Variants in WDR59 observed in about 807,000 individuals in gnomAD.
The protein encoded by WDR59 is GATOR2 complex protein WDR59.
WDR59 carries 100 observed loss-of-function variants against 131.2 expected under a neutral mutation model. The ratio of observed to expected loss-of-function variants is 0.76; its 90% CI spans 0.65 to 0.90. WDR59 has a LOEUF of 0.90. Among genes scored for constraint, WDR59 ranks in the 40% least tolerant of loss-of-function variants. The pLI, the probability that WDR59 is intolerant of heterozygous loss-of-function variation, is 0.00. For synonymous variants in WDR59, 601 were observed against 466.2 expected (o/e 1.29, Z -3.72); for missense variants, 1,203 against 1,262.2 (o/e 0.95, Z 0.71).
chr16:74,943,454 T>C (rs544651167), intron 6 of WDR59, among the ~76,000 whole-genome samples: 5 of 152,250 alleles, frequency 3.3e-5, no homozygotes, highest in African/African-American at 9.6e-5. Context: ...CCTCAGTCCT[T>C]TTCCCTCTCT....
intron 8 of WDR59, among the ~76,000 whole-genome samples, chr16:74,931,358 G>C (rs1476819120): frequency 6.6e-6 from 1 of 152,018 alleles, no homozygotes; most frequent in African/African-American, 2.4e-5. Flanking sequence ...TTTTTTGAGA[G>C]ATGGTATCCC....
chr16:74,908,982 A>AG lies in WDR59; in HGVS notation c.1643-6dup, dbSNP rs772496318. The AG allele has an allele frequency of 4.3e-6, 7 of 1,613,104 alleles. No homozygotes were observed. In the South Asian group the frequency reaches 7.7e-5, roughly 18 times the overall value. On this transcript the variant is annotated splice_region_variant and splice_polypyrimidine_tract_variant and intron_variant, in intron 16 of 25. Transcript: ENST00000262144. The stretch of plus-strand genomic sequence containing the variant: ...TTGTGAAATATACCAGGTAACCTAA[A>AG]GGAGGAGACATCACATGAGCCATCA...
Position 74,909,610 on chromosome 16 carries a change from A to T in WDR59, c.1533T>A (p.Ser511=). 6.2e-7 allele frequency: 1 copy of T among 1,602,146 alleles called. No individual in the cohort carries two copies. The highest frequency in any genetic ancestry group is 2.2e-5 in the East Asian group (1 of 44,694). ...CAAACGTCGGTAAGGGGGGAGTGACAGAGTTGGGGAGTGCAAACGGGTTGC... is the reference window on the plus strand; with the variant it reads ...CAAACGTCGGTAAGGGGGGAGTGACTGAGTTGGGGAGTGCAAACGGGTTGC... ...ASSNPFALPN[S]VTPPLPTFAR... Residue 511 remains serine (S), a synonymous_variant, in exon 16 of 26, where the codon TCT becomes TCA. Transcript: ENST00000262144.
rs1307058512 is a variant in WDR59 at position 74,916,170 on chromosome 16, T to C, written c.1056A>G (p.Glu352=). Residue 352 remains glutamate, a synonymous_variant, in exon 12 of 26, where the codon GAA becomes GAG. Coordinates refer to ENST00000262144, the MANE Select transcript of WDR59 (RefSeq NM_030581.4). The part of the protein sequence containing the change: ...LPEPEKTLHT[E]DTDHQHTASH... ...TTGCAGTGTGCTGGTGATCTGTATC[T>C]TCAGTGTGCAGGGTCTTCTCAGGTT... 6.2e-7 allele frequency: 1 copy of C among 1,614,196 alleles called. No homozygotes were observed. The highest frequency in any genetic ancestry group is 8.5e-7 in the Non-Finnish European group (1 of 1,180,026).
At chr16:74,982,170 T>C (rs1012483240) in intron 1 of WDR59, among the ~76,000 whole-genome samples, 6 of 151,250 alleles carry the variant, frequency 4.0e-5, no homozygotes, top group Non-Finnish European at 8.8e-5. Flanking sequence ...ATTTAAAAGA[T>C]GTGGAGTGTT....
chr16:74,961,168 G>A (rs78439382), intron 2 of WDR59, among the ~76,000 whole-genome samples: 2,418 of 151,898 alleles, frequency 0.016, 52 homozygotes, highest in African/African-American at 0.056. Flanking sequence ...AGCCAGACAG[G>A]CGTGGTGGTA....
intron 8 of WDR59, among the ~76,000 whole-genome samples, chr16:74,929,159 C>T (rs1416957259): frequency 2.0e-5 from 3 of 152,092 alleles, no homozygotes; most frequent in African/African-American, 7.2e-5. Flanking sequence ...ACGGCAAGCT[C>T]GTCCTCCCGG....
rs1253701527 is a variant in WDR59, at chr16:74,893,781, C to A, written c.1898G>T (p.Gly633Val). 1.9e-6 allele frequency: 3 copies of A among 1,614,088 alleles called. No individual in the cohort carries two copies. Among genetic ancestry groups the A allele is most frequent in the South Asian group, 1.1e-5 (1 of 91,082 alleles). The change falls in exon 19 of 26, where the codon GGA becomes GTA. Residue 633 changes from glycine to valine, a missense_variant. By Grantham distance (109) the Gly-to-Val change is moderately radical. Coordinates refer to ENST00000262144, the MANE Select transcript of WDR59 (RefSeq NM_030581.4). ...GATCTGTCGATTGCCAGAGTCTGAT[C>A]CCTCACGCTTACTTTTCCATCGTCT... ...KSRRWKSKRE[G>V]SDSGNRQIKA...
intron 8 of WDR59, among the ~76,000 whole-genome samples, chr16:74,926,703 T>C (rs2030845467): frequency 6.6e-6 from 1 of 152,236 alleles, no homozygotes; most frequent in African/African-American, 2.4e-5. Flanking sequence ...TGGTTTTACA[T>C]TGTTTTAGAG....
intron 10 of WDR59, among the ~76,000 whole-genome samples, chr16:74,921,487 A>T (rs751100171): frequency 5.3e-5 from 8 of 151,638 alleles, no homozygotes; most frequent in Non-Finnish European, 1.0e-4. Context: ...AAATCACATC[A>T]TCTGTTTTCT....
intron 25 of WDR59, among the ~76,000 whole-genome samples, chr16:74,878,568 C>T (rs1964327710): frequency 6.8e-6 from 1 of 146,698 alleles, no homozygotes. Flanking sequence ...ACTGCTTGAA[C>T]CTGGGAGGTG....
chr16:74,916,664 G>C (rs1239030440), intron 11 of WDR59, among the ~76,000 whole-genome samples: 1 of 152,076 alleles, frequency 6.6e-6, no homozygotes, highest in Non-Finnish European at 1.5e-5. Flanking sequence ...TTTGAGACCA[G>C]CCTGGCCAAG....
At chr16:74,980,541 A>G (rs12922776) in intron 1 of WDR59, among the ~76,000 whole-genome samples, 43,050 of 151,362 alleles carry the variant, frequency 0.28, 6,802 homozygotes, top group East Asian at 0.72. Flanking sequence ...TTTAGTAGAG[A>G]TGGGGTTTCA....
At chr16:74,905,291 C>T (rs1338992235) in intron 17 of WDR59, among the ~76,000 whole-genome samples, 1 of 152,052 alleles carries the variant, frequency 6.6e-6, no homozygotes, top group East Asian at 1.9e-4. Flanking sequence ...AGGAGAATCA[C>T]TTGAACCCGG....
intron 18 of WDR59, among the ~76,000 whole-genome samples, chr16:74,903,182 T>C (rs1965633005): frequency 6.6e-6 from 1 of 152,234 alleles, no homozygotes. Context: ...CAATCCATTA[T>C]TTCCCACTGA....
At chr16:74,980,093 A>G (rs964493646) in intron 1 of WDR59, among the ~76,000 whole-genome samples, 9 of 150,028 alleles carry the variant, frequency 6.0e-5, no homozygotes, top group South Asian at 2.1e-4. Flanking sequence ...CTCCTGACAC[A>G]GGTGATCCAC....
intron 2 of WDR59, among the ~76,000 whole-genome samples, chr16:74,957,251 T>C (rs546987906): frequency 6.6e-6 from 1 of 151,982 alleles, no homozygotes; most frequent in Admixed American, 6.6e-5. Context: ...TAACTAATTT[T>C]TGCATTTTTT....
At chr16:74,944,447 C>T (rs966685096) in intron 6 of WDR59, among the ~76,000 whole-genome samples, 3 of 141,500 alleles carry the variant, frequency 2.1e-5, no homozygotes, top group African/African-American at 5.3e-5. Context: ...GCCTGGGCAA[C>T]AGAGCAAGAC....
chr16:74,980,406 G>A (rs992711211), intron 1 of WDR59, among the ~76,000 whole-genome samples: 1 of 139,104 alleles, frequency 7.2e-6, no homozygotes, highest in Non-Finnish European at 1.5e-5. Flanking sequence ...CCAGGCTGTA[G>A]TGCAACGGTG....
Sources: gnomAD v4.1 joint callset for allele counts (sites outside exome capture counted in the v4.1 genomes callset) on GRCh38, gnomAD v4.1.1 for gene constraint, MANE v1.5 for transcripts, NCBI Gene and HGNC (gene_info 2026-07-23, HGNC 2026-07-21) for gene names.